The following CD276 variants were observed in gnomAD, a reference collection of about 807,000 sequenced individuals.
The protein encoded by CD276 is CD276 molecule, also known as CD276 antigen.
Under a neutral mutation model 50.0 loss-of-function variants are expected in CD276, and 34 were observed. The observed-to-expected ratio is 0.68, with a 90% confidence interval of 0.52 to 0.91. CD276 has a LOEUF of 0.91. Among genes scored for constraint, CD276 ranks in the 40% least tolerant of loss-of-function variants. CD276 has a pLI of 0.00. For missense variants in CD276, 634 were observed against 717.5 expected (o/e 0.88, Z 1.33); for synonymous variants, 275 against 313.0 (o/e 0.88, Z 1.28).
chr15:73,709,841 C>T (rs1900821917), intron 8 of CD276, 152 bp downstream of exon 8: 1 of 703,406 alleles, frequency 1.4e-6, no homozygotes, highest in Non-Finnish European at 2.3e-6. Context: ...GGTGAGTCTG[C>T]TCTTTGCCCA....
intron 2 of CD276, 150 bp downstream of exon 2, chr15:73,699,868 C>T (rs1900311232): frequency 1.2e-6 from 1 of 859,926 alleles, no homozygotes; most frequent in Admixed American, 3.0e-5. Flanking sequence ...GTAGGCAACT[C>T]ACGTTACTGT....
At chr15:73,702,191 G>A (rs971685579) in intron 2 of CD276, 64 bp from the exon 3 acceptor site, 20 of 1,330,412 alleles carry the variant, frequency 1.5e-5, no homozygotes, top group East Asian at 7.5e-5. Context: ...GGCAGGGAGC[G>A]GGACTAGGGA....
At chr15:73,710,014 T>C (rs1596021671) in intron 8 of CD276, among the ~76,000 whole-genome samples, 1 of 151,658 alleles carries the variant, frequency 6.6e-6, no homozygotes, top group Admixed American at 6.6e-5. Context: ...AGATAGGGAG[T>C]CTGGGTTTAA....
chr15:73,703,870 G>A lies in CD276; in HGVS notation c.945G>A (p.Pro315=), dbSNP rs750849261. ...SAYANRTALF[P]DLLAQGNASL... ...ATGCCAACCGCACGGCCCTCTTCCC[G>A]GACCTGCTGGCACAAGGCAATGCAT... Residue 315 remains proline, a synonymous_variant, in exon 5 of 10, where the codon CCG becomes CCA. Transcript: ENST00000318443. The A allele has an allele frequency of 1.5e-5, 24 of 1,613,658 alleles. 1 individual carries two copies. Among genetic ancestry groups the A allele is most frequent in the African/African-American group, 2.7e-5 (2 of 75,058 alleles).
chr15:73,708,656 G>A, intron 7 of CD276, 183 bp downstream of exon 7: 2 of 668,704 alleles, frequency 3.0e-6, no homozygotes, highest in Non-Finnish European at 5.1e-6. Context: ...ACAAGCGTGA[G>A]CCTGTCTGTC....
In CD276 at chr15:73,708,623, G is replaced by A. The variant is rs966012163; in HGVS notation, c.1504+150G>A. 21 of 863,994 alleles carry A rather than the reference G, an allele frequency of 2.4e-5. No individual in the cohort carries two copies. The East Asian group carries it at 5.6e-4, about 23-fold the overall frequency. 53.5% of individuals were successfully genotyped at this position (863,994 alleles called of 1,614,324 possible). A position where few individuals can be genotyped will look rare whatever the true frequency, so the allele number is the denominator to read the frequency against. ...GCTGGATTTGTCTGTGTGTGACCTTGAGTCTACGTCTTGTGTGTGTGAACA... is the reference window on the plus strand; with the variant it reads ...GCTGGATTTGTCTGTGTGTGACCTTAAGTCTACGTCTTGTGTGTGTGAACA... On this transcript the variant is annotated intron_variant, in intron 7 of 9. Coordinates refer to ENST00000318443, the MANE Select transcript of CD276 (RefSeq NM_001024736.2).
intron 1 of CD276, chr15:73,684,930 A>G (rs8032531): frequency 0.34 from 51,981 of 152,438 alleles, 9,740 homozygotes; most frequent in East Asian, 0.42. Context: ...TGCAGAGGAA[A>G]ACGCCCAGCT....
In CD276 at chr15:73,702,764, A is replaced by G. The variant is rs1900456379; in HGVS notation, c.419-8A>G. The G allele has an allele frequency of 1.2e-6, 2 of 1,606,816 alleles. No individual in the cohort carries two copies. The highest frequency in any genetic ancestry group is 2.2e-5 in the South Asian group (2 of 90,008). On this transcript the variant is annotated splice_polypyrimidine_tract_variant and splice_region_variant and intron_variant, in intron 3 of 9. Transcript: ENST00000318443. ...CTGCCCTTGACCCCTGCCCTCTGTC[A>G]CCTCCAGCTCCCTACTCGAAGCCCA...
intron 1 of CD276, among the ~76,000 whole-genome samples, chr15:73,694,153 G>A (rs890165321): frequency 2.6e-5 from 4 of 152,088 alleles, no homozygotes; most frequent in East Asian, 1.9e-4. Context: ...CCCCCTCCAC[G>A]TGCTTCATCT....
At position 73,702,857 on chromosome 15, in the gene CD276, C is replaced by T. The variant is rs531910633; in HGVS notation, c.504C>T (p.Tyr168=). 6.2e-7 allele frequency: 1 copy of T among 1,614,166 alleles called. No homozygotes were observed. Among genetic ancestry groups the T allele is most frequent in the Admixed American group, 1.7e-5 (1 of 60,026 alleles). Residue 168 remains tyrosine, a synonymous_variant, in exon 4 of 10, where the codon TAC becomes TAT. Coordinates refer to ENST00000318443, the MANE Select transcript of CD276 (RefSeq NM_001024736.2). ...CGGTGACCATCACGTGCTCCAGCTA[C>T]CAGGGCTACCCTGAGGCTGAGGTGT... The part of the protein sequence containing the change: ...GDTVTITCSS[Y]QGYPEAEVFW...
At chr15:73,706,250 AAAAAATAAAT>A (rs1900647588) in intron 6 of CD276, among the ~76,000 whole-genome samples, 1 of 152,242 alleles carries the variant, frequency 6.6e-6, no homozygotes, top group Admixed American at 6.5e-5. Context: ...ACACTGTCTC[AAAAAATAAAT>A]AAAATAAAAA....
In CD276 at chr15:73,703,967, G is replaced by A. The variant is rs751049509; in HGVS notation, c.1042G>A (p.Gly348Ser). The change falls in exon 5 of 10, where the codon GGC becomes AGC. Residue 348 changes from glycine to serine, a missense_variant. Gly to Ser is a moderately conservative substitution (Grantham distance 56). Transcript: ENST00000318443. ...CTGCTTCGTGAGCATCCGGGATTTC[G>A]GCAGCGCTGCCGTCAGCCTGCAGGT... ...FTCFVSIRDF[G>S]SAAVSLQVAA... 5.0e-6 allele frequency: 8 copies of A among 1,611,234 alleles called. No homozygotes were observed. The highest frequency in any genetic ancestry group is 3.3e-5 in the South Asian group (3 of 91,008).
chr15:73,712,812 A>T, intron 9 of CD276, 122 bp from the exon 10 acceptor site: 1 of 1,013,470 alleles, frequency 9.9e-7, no homozygotes, highest in Non-Finnish European at 1.5e-6. Flanking sequence ...CTGCTGTCTC[A>T]CACACACTCC....
chr15:73,706,503 C>CTCCAG (rs1432711828), intron 6 of CD276, among the ~76,000 whole-genome samples: 7 of 152,188 alleles, frequency 4.6e-5, no homozygotes, highest in African/African-American at 2.4e-5. Context: ...TAGACCTGGG[C>CTCCAG]TCCAGTGCCC....
chr15:73,703,755 G>A lies in CD276; in HGVS notation c.830G>A (p.Ser277Asn). Residue 277 changes from serine (S) to asparagine (N), a missense_variant, in exon 5 of 10, where the codon AGC becomes AAC. Transcript: ENST00000318443. The stretch of plus-strand genomic sequence containing the variant: ...TCCTTCTCCCCCGAGCCTGGCTTCA[G>A]CCTGGCACAGCTCAACCTCATCTGG... The part of the protein sequence containing the change: ...RCSFSPEPGF[S>N]LAQLNLIWQL... 1 of 1,613,616 alleles carries A rather than the reference G, an allele frequency of 6.2e-7. No individual in the cohort carries two copies. The highest frequency in any genetic ancestry group is 1.7e-5 in the Admixed American group (1 of 60,018).
chr15:73,693,181 A>G (rs1900049575), intron 1 of CD276, among the ~76,000 whole-genome samples: 1 of 152,046 alleles, frequency 6.6e-6, no homozygotes, highest in Non-Finnish European at 1.5e-5. Context: ...CTCCCTGAGG[A>G]CCTTGATGAC....
At chr15:73,711,031 C>A in intron 8 of CD276, 104 bp from the exon 9 acceptor site, 1 of 1,230,462 alleles carries the variant, frequency 8.1e-7, no homozygotes, top group Non-Finnish European at 1.2e-6. Flanking sequence ...ACTCTGCTGA[C>A]TTGTCCCGCC....
Position 73,714,347 on chromosome 15 carries a change from T to A in CD276, c.*1391T>A, listed in dbSNP as rs1269165436. The A allele has an allele frequency of 6.4e-6, 1 of 155,284 alleles. No individual in the cohort carries two copies. Among genetic ancestry groups the A allele is most frequent in the East Asian group, 1.9e-4 (1 of 5,202 alleles). The allele number at this position is 155,284 out of a possible 1,614,324, so 9.6% of individuals were successfully genotyped here. A position where few individuals can be genotyped will look rare whatever the true frequency, so the allele number is the denominator to read the frequency against. The stretch of plus-strand genomic sequence containing the variant: ...TTTTCCTGGCTTGCCTCTGGCCAGC[T>A]CCTGGCCTCTGGTAGAGTGAGACTT... On this transcript the variant is annotated 3_prime_UTR_variant, in exon 10 of 10. Transcript: ENST00000318443.
chr15:73,708,108 A>G (rs1452527915), intron 6 of CD276, among the ~76,000 whole-genome samples: 1 of 152,204 alleles, frequency 6.6e-6, no homozygotes, highest in East Asian at 1.9e-4. Flanking sequence ...CATCAATTCA[A>G]CCACAGGCTC....
Sources: allele counts gnomAD v4.1 joint callset (sites outside exome capture counted in the v4.1 genomes callset), GRCh38; gene constraint gnomAD v4.1.1; transcripts MANE v1.5; gene names NCBI Gene and HGNC (gene_info 2026-07-23, HGNC 2026-07-21).